The following SGCA variants were observed in gnomAD, a reference collection of about 807,000 sequenced individuals.
SGCA encodes the protein sarcoglycan alpha, also known as alpha-sarcoglycan.
A neutral mutation model predicts 38.1 loss-of-function variants in SGCA; 34 were observed. That is an observed-to-expected ratio of 0.89 (90% CI 0.68 to 1.19). SGCA has a LOEUF of 1.19. SGCA is among the 50% of genes most tolerant of loss of function. The probability of loss-of-function intolerance (pLI) is 0.00; values close to 1 mark genes in which losing one functional copy is unlikely to be tolerated. For missense variants in SGCA, 476 were observed against 524.9 expected, an observed-to-expected ratio of 0.91 and a Z score of 0.91; for synonymous variants, 209 against 214.6, an observed-to-expected ratio of 0.97 and a Z score of 0.23.
intron 7 of SGCA, 76 bp downstream of exon 7, chr17:50,170,427 G>T: frequency 6.8e-7 from 1 of 1,468,956 alleles, no homozygotes; most frequent in East Asian, 2.3e-5. Flanking sequence ...CACTTGTGCT[G>T]TATGGGACCC....
chr17:50,171,525 G>A (rs1416804956), intron 8 of SGCA: 4 of 456,682 alleles, frequency 8.8e-6, no homozygotes, highest in African/African-American at 8.0e-5. Context: ...AATTGCAGTG[G>A]CACTTGGCCA....
Position 50,167,727 on chromosome 17 carries a change from G to A in SGCA, c.303G>A (p.Gln101=), listed in dbSNP as rs775978141. The A allele has an allele frequency of 6.2e-7, 1 of 1,609,728 alleles. No homozygotes were observed. The highest frequency in any genetic ancestry group is 1.3e-5 in the African/African-American group (1 of 74,796). The change falls in exon 3 of 10, where the codon CAG becomes CAA. Residue 101 remains glutamine (Q), a synonymous_variant. Transcript: ENST00000262018. The surrounding 1 kb of genome is among the most constrained non-coding windows in gnomAD (Gnocchi z 4.5). ...CCACCCCAGAAGATCGTGGGCTCCA[G>A]GTCATTGAGGTGCCGTCAGGGACCC... ...GSATPEDRGL[Q]VIEVTAYNRD...
Position 50,167,887 on chromosome 17 carries a change from C to A in SGCA, c.313-60C>A. 6.4e-7 allele frequency: 1 copy of A among 1,559,258 alleles called. No individual in the cohort carries two copies. The highest frequency in any genetic ancestry group is 8.8e-7 in the Non-Finnish European group (1 of 1,130,112). ...GGTATCTGAGTCCTCTCCTGCCAGG[C>A]CCCCGCTGTGCCACGTTTCTCCCCT... On this transcript the variant is annotated intron_variant, in intron 3 of 9. Coordinates refer to ENST00000262018, the MANE Select transcript of SGCA (RefSeq NM_000023.4). This position sits in a 1 kb window ranked among gnomAD's most constrained non-coding sequence, Gnocchi z 4.5.
Position 50,167,361 on chromosome 17 carries a change from C to T in SGCA, c.38-7C>T, listed in dbSNP as rs769272010. 32 of 1,614,094 alleles carry T rather than the reference C, an allele frequency of 2.0e-5. No homozygotes were observed. The highest frequency in any genetic ancestry group is 2.5e-5 in the Non-Finnish European group (30 of 1,180,006). On this transcript the variant is annotated splice_polypyrimidine_tract_variant and splice_region_variant and intron_variant, in intron 1 of 9. Coordinates refer to ENST00000262018, the MANE Select transcript of SGCA (RefSeq NM_000023.4). This position sits in a 1 kb window ranked among gnomAD's most constrained non-coding sequence, Gnocchi z 4.5. ...CTGTGTGTTTGGGACTTGTGGGGTC[C>T]CCACAGTTCTCCTGGCAGGGCTGGG...
At chr17:50,171,673 T>C in intron 8 of SGCA, 1 of 456,800 alleles carries the variant, frequency 2.2e-6, no homozygotes, top group South Asian at 1.5e-5. Context: ...CTTGGAGGCC[T>C]GCTTCTTGCC....
chr17:50,168,977 C>T (rs1351648123), intron 5 of SGCA, 115 bp from the exon 6 acceptor site: 3 of 960,484 alleles, frequency 3.1e-6, no homozygotes, highest in Non-Finnish European at 5.0e-6. Context: ...GCGTCTCCCT[C>T]ATCCCATCCC....
chr17:50,171,486 C>A (rs1271000053), intron 8 of SGCA: 1 of 456,668 alleles, frequency 2.2e-6, no homozygotes, highest in African/African-American at 2.0e-5. Flanking sequence ...GTCTTGGCAC[C>A]CCTGACTGCT....
intron 8 of SGCA, among the ~76,000 whole-genome samples, chr17:50,173,719 A>T (rs1400262459): frequency 6.6e-6 from 1 of 152,128 alleles, no homozygotes; most frequent in Non-Finnish European, 1.5e-5. Flanking sequence ...GCCTGGGAAT[A>T]GAAAATTGGG....
Position 50,169,152 on chromosome 17 carries a change from C to T in SGCA, c.645C>T (p.Ser215=). ...PFSTCLKMVA[S]PDSHARCAQG... The stretch of plus-strand genomic sequence containing the variant: ...CTACTTGCCTGAAGATGGTGGCATC[C>T]CCCGATAGCCACGCCCGCTGTGCCC... The change falls in exon 6 of 10, where the codon TCC becomes TCT. Residue 215 remains serine (S), a synonymous_variant. Coordinates refer to ENST00000262018, the MANE Select transcript of SGCA (RefSeq NM_000023.4). 6.2e-7 allele frequency: 1 copy of T among 1,613,964 alleles called. No individual in the cohort carries two copies. Among genetic ancestry groups the T allele is most frequent in the Non-Finnish European group, 8.5e-7 (1 of 1,179,984 alleles).
At chr17:50,166,511 C>T (rs1904814137) in intron 1 of SGCA, among the ~76,000 whole-genome samples, 1 of 152,002 alleles carries the variant, frequency 6.6e-6, no homozygotes, top group Non-Finnish European at 1.5e-5. Context: ...TTCTTCTTCC[C>T]TGTATTTTAG....
At chr17:50,171,991 A>G (rs573994102) in intron 8 of SGCA, 63 of 456,632 alleles carry the variant, frequency 1.4e-4, no homozygotes, top group Middle Eastern at 1.3e-3. Context: ...GTTCAACAGC[A>G]CTGATGGAGA....
rs552299305 is a variant in SGCA at position 50,168,747 on chromosome 17, G to A, written c.584+175G>A. ...ATACCCGCATCTCCTTGTCCTTCCA[G>A]AGCCTAGACCCTAGTTACCCTGAAC... On this transcript the variant is annotated intron_variant, in intron 5 of 9. Transcript: ENST00000262018. Among the ~76,000 whole-genome samples the A allele has an allele frequency of 1.4e-4, 22 of 152,092 alleles. No individual in the cohort carries two copies. The South Asian group carries it at 3.3e-3, about 23-fold the overall frequency.
intron 8 of SGCA, 192 bp from the exon 9 acceptor site, chr17:50,175,065 G>A (rs1905812688): frequency 1.5e-6 from 1 of 654,166 alleles, no homozygotes; most frequent in Non-Finnish European, 2.8e-6. Flanking sequence ...CCAAAGTGCT[G>A]GGATTATAGG....
intron 8 of SGCA, among the ~76,000 whole-genome samples, chr17:50,174,607 G>A (rs761173441): frequency 2.6e-5 from 4 of 151,602 alleles, no homozygotes; most frequent in East Asian, 3.9e-4. Context: ...TCGGCCTCCC[G>A]AAGTGCTGGG....
intron 8 of SGCA, chr17:50,171,868 G>T (rs1905444541): frequency 2.2e-6 from 1 of 456,782 alleles, no homozygotes; most frequent in Non-Finnish European, 4.4e-6. Flanking sequence ...CAGCCCTCAG[G>T]ATCACCTTGG....
intron 6 of SGCA, 31 bp downstream of exon 6, chr17:50,169,285 G>C (rs775275347): frequency 2.0e-5 from 32 of 1,584,988 alleles, no homozygotes; most frequent in Non-Finnish European, 2.7e-5. Context: ...CGGGGGTGGG[G>C]TGGGGCATGG....
intron 8 of SGCA, among the ~76,000 whole-genome samples, chr17:50,174,525 T>TA (rs35130643): frequency 6.6e-6 from 1 of 151,842 alleles, no homozygotes; most frequent in African/African-American, 2.4e-5. Flanking sequence ...TTTTTTTTTT[T>TA]AAATAGAGAT....
chr17:50,168,066 G>A, intron 4 of SGCA, 47 bp downstream of exon 4: 1 of 1,544,968 alleles, frequency 6.5e-7, no homozygotes, highest in Non-Finnish European at 9.0e-7. Flanking sequence ...GCCAGTCTTG[G>A]GGAATCTCTC....
chr17:50,171,437 T>G (rs2144503575), intron 8 of SGCA: 1 of 450,860 alleles, frequency 2.2e-6, no homozygotes, highest in Admixed American at 2.4e-5. Flanking sequence ...GTGAAATAAG[T>G]TATGTTCCTT....
Sources: gnomAD v4.1 joint callset for allele counts (sites outside exome capture counted in the v4.1 genomes callset) on GRCh38, gnomAD v4.1.1 for gene constraint, Gnocchi (gnomAD v3.1) non-coding constraint, MANE v1.5 for transcripts, NCBI Gene and HGNC (gene_info 2026-07-23, HGNC 2026-07-21) for gene names.